Variants in VWA3B observed in about 807,000 individuals in gnomAD.
VWA3B encodes the protein von Willebrand factor A domain containing 3B.
A neutral mutation model predicts 158.3 loss-of-function variants in VWA3B; 138 were observed. That is an observed-to-expected ratio of 0.87 (90% CI 0.76 to 1.00). VWA3B has a LOEUF of 1.00. VWA3B is among the 50% of genes least tolerant of loss of function. The probability of loss-of-function intolerance (pLI) is 0.00; values close to 1 mark genes in which losing one functional copy is unlikely to be tolerated. For synonymous variants in VWA3B, 596 were observed against 587.3 expected (o/e 1.01, Z -0.21); for missense variants, 1,555 against 1,565.1 (o/e 0.99, Z 0.11).
At chr2:98,263,654 G>A (rs917715590) in intron 21 of VWA3B, among the ~76,000 whole-genome samples, 3 of 151,782 alleles carry the variant, frequency 2.0e-5, no homozygotes, top group Non-Finnish European at 4.4e-5. Flanking sequence ...GTTTTGTTGA[G>A]GATTTTTGCA....
In VWA3B at chr2:98,279,906, G is replaced by A. The variant is rs138985616; in HGVS notation, c.3045+9023G>A. On this transcript the variant is annotated intron_variant, in intron 22 of 27. Coordinates refer to ENST00000477737, the MANE Select transcript of VWA3B (RefSeq NM_144992.5). ...GCAAGGGGGATGCGTGAGTGGGGGC[G>A]GAATAGCCAGCCCAGAGGAGTGGAT... Among the ~76,000 whole-genome samples the A allele has an allele frequency of 3.9e-3, 587 of 152,308 alleles. 5 individuals are homozygous for A. Among genetic ancestry groups the A allele is most frequent in the Non-Finnish European group, 7.2e-3 (487 of 68,024 alleles).
intron 26 of VWA3B, among the ~76,000 whole-genome samples, chr2:98,308,358 A>G (rs1690658008): frequency 6.6e-6 from 1 of 152,108 alleles, no homozygotes; most frequent in Non-Finnish European, 1.5e-5. Flanking sequence ...TCCGTTCAGG[A>G]GTGTCCCTGA....
At chr2:98,199,052 A>G (rs1237771960) in intron 12 of VWA3B, among the ~76,000 whole-genome samples, 1 of 149,718 alleles carries the variant, frequency 6.7e-6, no homozygotes, top group Non-Finnish European at 1.5e-5. Context: ...GCGCCACTGC[A>G]CTCCATCCTG....
intron 12 of VWA3B, among the ~76,000 whole-genome samples, chr2:98,196,970 A>G (rs1168819474): frequency 6.6e-6 from 1 of 152,210 alleles, no homozygotes; most frequent in African/African-American, 2.4e-5. Context: ...AAACTAAGAC[A>G]TTCACATGGC....
At position 98,194,422 on chromosome 2, in the gene VWA3B, G is replaced by A; in HGVS notation, c.1667G>A (p.Trp556Ter). 1.2e-6 allele frequency: 2 copies of A among 1,614,076 alleles called. No individual in the cohort carries two copies. The highest frequency in any genetic ancestry group is 1.7e-6 in the Non-Finnish European group (2 of 1,179,972). The change falls in exon 12 of 28, where the codon TGG (tryptophan) becomes TAG (stop). Residue 556 changes from tryptophan to a stop codon, truncating the protein, a stop_gained. Transcript: ENST00000477737. LOFTEE classifies it high-confidence loss of function. ...AAGTTTGATGGTCAAGCAGTTGCTT[G>A]GCGGGAACAACTTGCTGAAGTCAAT... ...FVKFDGQAVAWREQLAEVNED... is the reference protein window; with the variant it reads ...FVKFDGQAVA
chr2:98,088,788 C>T (rs577861815), intron 1 of VWA3B, among the ~76,000 whole-genome samples: 1 of 152,164 alleles, frequency 6.6e-6, no homozygotes, highest in African/African-American at 2.4e-5. Flanking sequence ...GGGTCTCGCT[C>T]TGTCCCCCAG....
chr2:98,173,526 A>G (rs1336735143), intron 8 of VWA3B, among the ~76,000 whole-genome samples: 1 of 152,258 alleles, frequency 6.6e-6, no homozygotes, highest in East Asian at 1.9e-4. Flanking sequence ...CCATGATTCA[A>G]GATTAATTGC....
chr2:98,129,372 C>G (rs1675674272), intron 6 of VWA3B, among the ~76,000 whole-genome samples: 1 of 151,592 alleles, frequency 6.6e-6, no homozygotes, highest in South Asian at 2.1e-4. Flanking sequence ...GACAGAGAGA[C>G]AGAGAGTGAG....
chr2:98,221,738 G>T (rs551086892), intron 14 of VWA3B, among the ~76,000 whole-genome samples: 3 of 152,170 alleles, frequency 2.0e-5, no homozygotes, highest in Non-Finnish European at 4.4e-5. Context: ...GTGGGCAGGA[G>T]CAGCAGTGCT....
chr2:98,162,146 A>G (rs773342743), intron 7 of VWA3B, among the ~76,000 whole-genome samples: 3 of 152,128 alleles, frequency 2.0e-5, no homozygotes, highest in Non-Finnish European at 2.9e-5. Context: ...CACAGAGTGC[A>G]CATCCATTTC....
intron 10 of VWA3B, among the ~76,000 whole-genome samples, chr2:98,192,614 C>A (rs1167448430): frequency 6.6e-6 from 1 of 152,084 alleles, no homozygotes; most frequent in Non-Finnish European, 1.5e-5. Flanking sequence ...GATGGCTTAG[C>A]TTGGGCCCAG....
chr2:98,171,571 T>A (rs1256002151), intron 8 of VWA3B, among the ~76,000 whole-genome samples: 1 of 152,040 alleles, frequency 6.6e-6, no homozygotes, highest in Non-Finnish European at 1.5e-5. Context: ...AGGGACCCGA[T>A]TGTGCTGGCT....
chr2:98,219,128 C>T (rs891643517), intron 14 of VWA3B, among the ~76,000 whole-genome samples: 5 of 152,090 alleles, frequency 3.3e-5, no homozygotes, highest in Admixed American at 6.5e-5. Flanking sequence ...AGCACACAAC[C>T]GAATATTACT....
At chr2:98,266,047 A>G (rs1199324261) in intron 21 of VWA3B, among the ~76,000 whole-genome samples, 1 of 148,584 alleles carries the variant, frequency 6.7e-6, no homozygotes, top group Admixed American at 6.7e-5. Context: ...TCTTTAGTTT[A>G]ATTAGATCCC....
chr2:98,116,025 A>T (rs1181408499), intron 3 of VWA3B, among the ~76,000 whole-genome samples: 1 of 152,232 alleles, frequency 6.6e-6, no homozygotes, highest in Non-Finnish European at 1.5e-5. Flanking sequence ...AAAGGAAAAA[A>T]AAATATGACA....
intron 7 of VWA3B, among the ~76,000 whole-genome samples, chr2:98,153,094 G>T (rs188858191): frequency 3.9e-5 from 6 of 152,076 alleles, no homozygotes; most frequent in Non-Finnish European, 7.4e-5. Context: ...CATTGCTCTC[G>T]TCTCTAGCCT....
At chr2:98,249,349 A>G (rs1686645096) in intron 19 of VWA3B, among the ~76,000 whole-genome samples, 2 of 152,188 alleles carry the variant, frequency 1.3e-5, no homozygotes, top group African/African-American at 4.8e-5. Flanking sequence ...GAGGTAGGTA[A>G]TATGCAAATA....
chr2:98,149,857 G>A (rs77539430), intron 7 of VWA3B, among the ~76,000 whole-genome samples: 2 of 152,246 alleles, frequency 1.3e-5, no homozygotes, highest in African/African-American at 4.8e-5. Context: ...AAGTACTTTG[G>A]ACTGCTCTAA....
At chr2:98,240,373 T>C (rs1291726520) in intron 19 of VWA3B, among the ~76,000 whole-genome samples, 2 of 152,228 alleles carry the variant, frequency 1.3e-5, no homozygotes, top group African/African-American at 4.8e-5. Context: ...CATTGTGTTC[T>C]TCCTTCCCCT....
Sources: allele counts gnomAD v4.1 joint callset (sites outside exome capture counted in the v4.1 genomes callset), GRCh38; gene constraint gnomAD v4.1.1; transcripts MANE v1.5; gene names NCBI Gene and HGNC (gene_info 2026-07-23, HGNC 2026-07-21).